The following CACNA1C variants were observed in gnomAD, a reference collection of about 807,000 sequenced individuals.
CACNA1C encodes the protein voltage-dependent L-type calcium channel subunit alpha-1C.
Under a neutral mutation model 229.0 loss-of-function variants are expected in CACNA1C, and 30 were observed. That is an observed-to-expected ratio of 0.13 (90% CI 0.10 to 0.18). CACNA1C has a LOEUF of 0.18. Ranked by LOEUF, CACNA1C falls within the 10% of genes least tolerant of loss-of-function variation. The probability of loss-of-function intolerance (pLI) is 1.00; values close to 1 mark genes in which losing one functional copy is unlikely to be tolerated. For synonymous variants in CACNA1C, 1,114 were observed against 1,132.5 expected, an observed-to-expected ratio of 0.98 and a Z score of 0.33; for missense variants, 1,658 against 2,845.0, an observed-to-expected ratio of 0.58 and a Z score of 9.49.
intron 3 of CACNA1C, among the ~76,000 whole-genome samples, chr12:2,177,585 CTCCCTTCCT>C (rs1467114455): frequency 1.5e-5 from 1 of 64,766 alleles, no homozygotes; most frequent in African/African-American, 7.7e-5. Flanking sequence ...CCCTCCCTCC[CTCCCTTCCT>C]TCCTTCCTTC....
At position 2,611,922 on chromosome 12, in the gene CACNA1C, T is replaced by C; in HGVS notation, c.3737T>C (p.Leu1246Pro). The C allele has an allele frequency of 6.2e-7, 1 of 1,612,996 alleles. No homozygotes were observed. The highest frequency in any genetic ancestry group is 1.3e-5 in the African/African-American group (1 of 74,990). ...LAMQHYGQSC[L>P]FKIAMNILNM... ...ATGCAGCACTACGGCCAGAGCTGCC[T>C]GTTCAAAATCGCCATGAACATCCTC... Residue 1246 changes from leucine (L) to proline (P), a missense_variant, in exon 29 of 47, where the codon CTG becomes CCG. Leu to Pro is a moderately conservative substitution (Grantham distance 98, BLOSUM62 -3). Transcript: ENST00000399655.
At chr12:2,674,974 A>G (rs908258232) in intron 39 of CACNA1C, among the ~76,000 whole-genome samples, 5 of 152,164 alleles carry the variant, frequency 3.3e-5, no homozygotes, top group African/African-American at 9.7e-5. Flanking sequence ...GAAACTCCAC[A>G]AAGTATAGGT....
chr12:2,073,616 C>G (rs138703315), intron 1 of CACNA1C, among the ~76,000 whole-genome samples: 2 of 152,166 alleles, frequency 1.3e-5, no homozygotes, highest in Non-Finnish European at 2.9e-5. Flanking sequence ...GCTCAGAGGG[C>G]GGCTGGAATC....
intron 9 of CACNA1C, among the ~76,000 whole-genome samples, chr12:2,540,436 C>G (rs2099866873): frequency 6.6e-6 from 1 of 152,046 alleles, no homozygotes; most frequent in African/African-American, 2.4e-5. Context: ...AACTGGGCCT[C>G]TGAGAAGGGA....
intron 10 of CACNA1C, among the ~76,000 whole-genome samples, chr12:2,555,236 T>C (rs1568397352): frequency 6.6e-6 from 1 of 152,152 alleles, no homozygotes; most frequent in Non-Finnish European, 1.5e-5. Context: ...GAGGGGAGCT[T>C]TTCAGAGCCC....
At chr12:2,052,447 A>C (rs1251940094), upstream of CACNA1C, among the ~76,000 whole-genome samples, 1 of 152,000 alleles carries the variant, frequency 6.6e-6, no homozygotes, top group Non-Finnish European at 1.5e-5. Context: ...GTAGTCGGGC[A>C]AATTGTATTC....
rs575247831 is a variant in CACNA1C at position 2,022,522 on chromosome 12, A to G, written c.139+51321A>G. Among the ~76,000 whole-genome samples the G allele has an allele frequency of 8.7e-5, 13 of 148,842 alleles. No individual in the cohort carries two copies. In the East Asian group the frequency reaches 2.6e-3, roughly 30 times the overall value. On this transcript the variant is annotated intron_variant, in intron 1 of 46. Transcript: ENST00000682462. ...CTCGGGGGAGTGCAGTGGCACAGTC[A>G]TAACTTGGACCTCTGGGTCCAAGTG...
chr12:2,256,458 A>G (rs1288036301), intron 3 of CACNA1C, among the ~76,000 whole-genome samples: 1 of 152,194 alleles, frequency 6.6e-6, no homozygotes, highest in African/African-American at 2.4e-5. Flanking sequence ...CAAATGAATT[A>G]ATGTGTTGAT....
At chr12:1,977,038 G>A (rs1483504201) in intron 1 of CACNA1C, among the ~76,000 whole-genome samples, 3 of 152,108 alleles carry the variant, frequency 2.0e-5, no homozygotes, top group Non-Finnish European at 2.9e-5. Context: ...AGTTATCTCT[G>A]GGCAGATAAT....
chr12:2,363,196 T>C lies in CACNA1C; in HGVS notation c.478-85780T>C, dbSNP rs138054650. ...CTTTCCCTGGCTGACCATAGCATTG[T>C]CTGCTCTTGGAGGTTCCCCGTAAGG... On this transcript the variant is annotated intron_variant, in intron 3 of 46. Transcript: ENST00000399655. Among the ~76,000 whole-genome samples, 39 of 152,302 alleles carry C rather than the reference T, an allele frequency of 2.6e-4. No homozygotes were observed. The East Asian group carries it at 3.5e-3, about 14-fold the overall frequency.
At chr12:1,972,484 T>A (rs867371627) in intron 1 of CACNA1C, among the ~76,000 whole-genome samples, 2 of 151,798 alleles carry the variant, frequency 1.3e-5, no homozygotes, top group African/African-American at 4.8e-5. Context: ...CCAAGATATT[T>A]AAAAAAAACA....
At chr12:2,333,011 A>G (rs1295429809) in intron 3 of CACNA1C, among the ~76,000 whole-genome samples, 1 of 152,318 alleles carries the variant, frequency 6.6e-6, no homozygotes, top group East Asian at 1.9e-4. Flanking sequence ...GTGTCTGAAC[A>G]GTTATCCCTC....
At chr12:1,977,412 T>C (rs1429048241) in intron 1 of CACNA1C, among the ~76,000 whole-genome samples, 1 of 152,218 alleles carries the variant, frequency 6.6e-6, no homozygotes, top group African/African-American at 2.4e-5. Context: ...GCTTGATCAC[T>C]CCAAGCAGCG....
At chr12:2,515,447 C>A (rs1197081079) in intron 9 of CACNA1C, among the ~76,000 whole-genome samples, 1 of 152,176 alleles carries the variant, frequency 6.6e-6, no homozygotes, top group East Asian at 1.9e-4. Flanking sequence ...GGGAGAAATC[C>A]TGCTACGTTT....
chr12:2,278,615 A>T (rs1377089009), intron 3 of CACNA1C, among the ~76,000 whole-genome samples: 1 of 152,190 alleles, frequency 6.6e-6, no homozygotes, highest in Non-Finnish European at 1.5e-5. Context: ...GTTCCATTGT[A>T]TGGATATAGC....
Position 2,677,832 on chromosome 12 carries a change from G to A in CACNA1C, c.5056G>A (p.Ala1686Thr). The A allele has an allele frequency of 6.2e-7, 1 of 1,614,004 alleles. No homozygotes were observed. Among genetic ancestry groups the A allele is most frequent in the Middle Eastern group, 1.6e-4 (1 of 6,062 alleles). ...GGAGCTGGACAAGGCCATGAAGGAG[G>A]CTGTGTCCGCTGCTTCTGAAGATGA... ...EEELDKAMKE[A>T]VSAASEDDIF... Residue 1686 changes from alanine to threonine, a missense_variant, in exon 41 of 47, where the codon GCT becomes ACT. Ala to Thr is a moderately conservative substitution (Grantham distance 58). This residue lies in a region of CACNA1C where 590 missense variants were observed against 700.8 expected (regional missense o/e 0.84). Transcript: ENST00000399655. This position sits in a 1 kb window ranked among gnomAD's most constrained non-coding sequence, Gnocchi z 7.4.
At chr12:2,322,784 G>T (rs1157334869) in intron 3 of CACNA1C, among the ~76,000 whole-genome samples, 1 of 152,214 alleles carries the variant, frequency 6.6e-6, no homozygotes, top group East Asian at 1.9e-4. Flanking sequence ...CTATCCCATA[G>T]CCTGTTGCAT....
At chr12:2,685,081 C>T (rs2370607) in intron 43 of CACNA1C, among the ~76,000 whole-genome samples, 79 of 152,078 alleles carry the variant, frequency 5.2e-4, no homozygotes, top group Middle Eastern at 3.4e-3. Flanking sequence ...CAGGGTGCAA[C>T]GCATGCACCG....
chr12:2,171,370 C>T (rs552086255), intron 3 of CACNA1C, among the ~76,000 whole-genome samples: 253 of 152,202 alleles, frequency 1.7e-3, no homozygotes, highest in Middle Eastern at 3.4e-3. Flanking sequence ...GTGGATCACA[C>T]GCCATCCCCA....
Sources: gnomAD v4.1 joint callset for allele counts (sites outside exome capture counted in the v4.1 genomes callset) on GRCh38, gnomAD v4.1.1 for gene constraint, gnomAD v4.1.1 regional missense constraint, Gnocchi (gnomAD v3.1) non-coding constraint, MANE v1.5 for transcripts, NCBI Gene and HGNC (gene_info 2026-07-23, HGNC 2026-07-21) for gene names.